Variants in PLCH1 observed in about 807,000 individuals in gnomAD.
PLCH1 encodes phospholipase C eta 1, also known as 1-phosphatidylinositol 4,5-bisphosphate phosphodiesterase eta-1.
A neutral mutation model predicts 126.7 loss-of-function variants in PLCH1; 60 were observed. The ratio of observed to expected loss-of-function variants is 0.47; its 90% CI spans 0.38 to 0.59. PLCH1 has a LOEUF of 0.59. Ranked by LOEUF, PLCH1 falls within the 20% of genes least tolerant of loss-of-function variation. The pLI is 0.00. For missense variants in PLCH1, 1,723 were observed against 2,040.0 expected (o/e 0.84, Z 2.99); for synonymous variants, 719 against 734.9 (o/e 0.98, Z 0.35).
rs1712536450 is a variant in PLCH1 at position 155,458,435 on chromosome 3, AAGGAAGGAAGGAAG to A, written c.2938+26907_2938+26920del. 9.5e-4 allele frequency among the ~76,000 whole-genome samples: 88 copies of A among 92,562 alleles called. 1 individual carries two copies. Among genetic ancestry groups the A allele is most frequent in the African/African-American group, 4.1e-3 (58 of 14,272 alleles). 60.7% of individuals were successfully genotyped at this position (92,562 alleles called of 152,430 possible). On this transcript the variant is annotated intron_variant, in intron 21 of 21. Coordinates refer to the PLCH1 transcript ENST00000494598. ...GAAGGAAGGAAGGAAGGAAGGAAGG[AAGGAAGGAAGGAAG>A]GAAGGAAAGAAAGAAAGAAAGAAAG...
intron 3 of PLCH1, among the ~76,000 whole-genome samples, chr3:155,594,445 T>C (rs908308054): frequency 4.0e-5 from 6 of 151,630 alleles, no homozygotes; most frequent in South Asian, 2.1e-4. Flanking sequence ...CGGTGGCGGG[T>C]GCCTGTAGTC....
intron 2 of PLCH1, among the ~76,000 whole-genome samples, chr3:155,609,847 GA>G (rs968637209): frequency 1.3e-5 from 2 of 151,808 alleles, no homozygotes; most frequent in African/African-American, 4.8e-5. Context: ...CAAAGATAAG[GA>G]AAAAAGAATT....
chr3:155,632,519 C>T (rs1738173660), intron 2 of PLCH1, among the ~76,000 whole-genome samples: 1 of 152,196 alleles, frequency 6.6e-6, no homozygotes, highest in Non-Finnish European at 1.5e-5. Context: ...TTTTTGCCTT[C>T]TCTTCTGTAT....
At chr3:155,554,228 CAA>C (rs765124020) in intron 8 of PLCH1, 32 bp from the exon 9 acceptor site, 1 of 1,604,302 alleles carries the variant, frequency 6.2e-7, no homozygotes, top group Non-Finnish European at 8.5e-7. Flanking sequence ...ATCAACAACC[CAA>C]AGTCTCTGGT....
At position 155,594,327 on chromosome 3, in the gene PLCH1, T is replaced by C. The variant is rs1449077201; in HGVS notation, c.227-143A>G. The C allele has an allele frequency of 1.0e-5, 8 of 765,562 alleles. No homozygotes were observed. In the Admixed American group the frequency reaches 2.2e-4, roughly 21 times the overall value. The allele number at this position is 765,562 out of a possible 1,614,324, so 47.4% of individuals were successfully genotyped here. A position where few individuals can be genotyped will look rare whatever the true frequency, so the allele number is the denominator to read the frequency against. ...TGCTCACGCTTGTAATCCTAGCAGT[T>C]TGGGAGGTCGAGGTGGACAGATTGC... On this transcript the variant is annotated intron_variant, in intron 3 of 22. Coordinates refer to ENST00000460012, the MANE Select transcript of PLCH1 (RefSeq NM_014996.4).
intron 8 of PLCH1, among the ~76,000 whole-genome samples, chr3:155,557,156 T>G (rs1050326916): frequency 6.6e-6 from 1 of 152,200 alleles, no homozygotes; most frequent in Non-Finnish European, 1.5e-5. Flanking sequence ...CAACAACATC[T>G]TCTCACAAGA....
chr3:155,629,636 C>G (rs1737785259), intron 2 of PLCH1, among the ~76,000 whole-genome samples: 2 of 152,222 alleles, frequency 1.3e-5, no homozygotes, highest in Admixed American at 6.5e-5. Flanking sequence ...CCATTTGTCT[C>G]CATCAATCTG....
At position 155,706,212 on chromosome 3, in the gene PLCH1, G is replaced by A. The variant is rs185414539; in HGVS notation, c.-40-1948C>T. 5.6e-3 allele frequency among the ~76,000 whole-genome samples: 835 copies of A among 149,680 alleles called. 10 individuals carry two copies. Among genetic ancestry groups the A allele is most frequent in the African/African-American group, 0.02 (796 of 40,342 alleles). On this transcript the variant is annotated intron_variant, in intron 1 of 22. Coordinates refer to ENST00000460012, the MANE Select transcript of PLCH1 (RefSeq NM_014996.4). Reference sequence around the variant, plus strand: ...AAAAAAAAAAAAATCTGCTGGCCAGGTGCAGTGGCTCACGCCTGTAATCCC... The same window carrying A: ...AAAAAAAAAAAAATCTGCTGGCCAGATGCAGTGGCTCACGCCTGTAATCCC...
At chr3:155,726,697 C>CTTT (rs60339858) in intron 1 of PLCH1, among the ~76,000 whole-genome samples, 4 of 135,864 alleles carry the variant, frequency 2.9e-5, no homozygotes, top group African/African-American at 8.1e-5. Flanking sequence ...TGTTCAGATT[C>CTTT]TTTTTTTTTT....
At chr3:155,483,326 C>T in intron 22 of PLCH1, 1 of 1,495,558 alleles carries the variant, frequency 6.7e-7, no homozygotes, top group East Asian at 2.5e-5. Flanking sequence ...AATGAGTTAC[C>T]ATACTTTTAC....
At chr3:155,538,811 A>C (rs1723804075) in intron 10 of PLCH1, among the ~76,000 whole-genome samples, 1 of 152,154 alleles carries the variant, frequency 6.6e-6, no homozygotes, top group South Asian at 2.1e-4. Flanking sequence ...TTCACGGCTT[A>C]ATTCTATCAG....
At chr3:155,540,233 A>AC (rs1267070072) in intron 10 of PLCH1, among the ~76,000 whole-genome samples, 3 of 152,208 alleles carry the variant, frequency 2.0e-5, no homozygotes, top group Non-Finnish European at 4.4e-5. Context: ...TTCTACAAAA[A>AC]TCAACTCAAG....
At chr3:155,619,267 CAGTACAGGAGTAGTGTACAGGGCAGTGT>C (rs1736164466) in intron 2 of PLCH1, among the ~76,000 whole-genome samples, 1 of 101,634 alleles carries the variant, frequency 9.8e-6, no homozygotes, top group African/African-American at 5.6e-5. Context: ...CTATAGTGTA[CAGTACAGGAGTAGTGTACAGGGCAGTGT>C]ACAGTACAGG....
rs543660062 is a variant in PLCH1, at chr3:155,600,000, A to G, written c.80-3622T>C. Among the ~76,000 whole-genome samples, 3 of 152,338 alleles carry G rather than the reference A, an allele frequency of 2.0e-5. No individual in the cohort carries two copies. The South Asian group carries it at 6.2e-4, about 32-fold the overall frequency. On this transcript the variant is annotated intron_variant, in intron 2 of 22. Transcript: ENST00000460012. ...CTGAGTCTGAAACAATAGGCTTCTT[A>G]AATTGTTTATGTAGCTGCTTTATGC...
intron 21 of PLCH1, among the ~76,000 whole-genome samples, chr3:155,451,759 G>T (rs1560025531): frequency 6.6e-6 from 1 of 152,138 alleles, no homozygotes; most frequent in African/African-American, 2.4e-5. Context: ...CTCTCTTCCT[G>T]TCTTCAAACT....
intron 11 of PLCH1, 81 bp from the exon 12 acceptor site, chr3:155,514,965 G>T: frequency 1.1e-6 from 1 of 878,458 alleles, no homozygotes; most frequent in Non-Finnish European, 1.6e-6. Context: ...AGCCACAATT[G>T]CTTCTATAAT....
At chr3:155,566,926 C>A (rs1179098877) in intron 7 of PLCH1, among the ~76,000 whole-genome samples, 3 of 151,998 alleles carry the variant, frequency 2.0e-5, no homozygotes, top group Non-Finnish European at 4.4e-5. Context: ...ACTTTTATGT[C>A]CATAACTTAG....
chr3:155,630,149 A>C lies in PLCH1; in HGVS notation c.80-33771T>G, dbSNP rs79848326. Reference sequence around the variant, plus strand: ...AACTACATACATTTTTGTTCACTGGACTAATGAATTGGTGGTTCAACAAAC... The same window carrying C: ...AACTACATACATTTTTGTTCACTGGCCTAATGAATTGGTGGTTCAACAAAC... On this transcript the variant is annotated intron_variant, in intron 2 of 22. Transcript: ENST00000460012. Among the ~76,000 whole-genome samples, 849 of 152,344 alleles carry C rather than the reference A, an allele frequency of 5.6e-3. 18 individuals are homozygous for C. The highest frequency in any genetic ancestry group is 0.031 in the Admixed American group (477 of 15,300).
At chr3:155,641,182 G>T (rs1187532392) in intron 2 of PLCH1, among the ~76,000 whole-genome samples, 1 of 149,490 alleles carries the variant, frequency 6.7e-6, no homozygotes, top group East Asian at 2.0e-4. Flanking sequence ...GTTTAATACT[G>T]ATTTTCAACG....
Sources: allele counts gnomAD v4.1 joint callset (sites outside exome capture counted in the v4.1 genomes callset), GRCh38; gene constraint gnomAD v4.1.1; transcripts MANE v1.5; gene names NCBI Gene and HGNC (gene_info 2026-07-23, HGNC 2026-07-21).